The following SHISA9 variants were observed in gnomAD, a reference collection of about 807,000 sequenced individuals.
The protein encoded by SHISA9 is protein shisa-9.
Under a neutral mutation model 38.0 loss-of-function variants are expected in SHISA9, and 13 were observed. The ratio of observed to expected loss-of-function variants is 0.34; its 90% confidence interval spans 0.22 to 0.54. The LOEUF (loss-of-function observed/expected upper bound fraction) is 0.54, where lower values mean the gene tolerates loss of function less well. SHISA9 is among the 20% of genes least tolerant of loss of function. The pLI, the probability that SHISA9 is intolerant of heterozygous loss-of-function variation, is 0.91. For synonymous variants in SHISA9, 275 were observed against 242.0 expected, an observed-to-expected ratio of 1.14 and a Z score of -1.27; for missense variants, 538 against 575.8, an observed-to-expected ratio of 0.93 and a Z score of 0.67.
chr16:13,301,375 A>G, the SHISA9 span, among the ~76,000 whole-genome samples: 1 of 152,328 alleles, frequency 6.6e-6, no homozygotes, highest in South Asian at 2.1e-4. Flanking sequence ...ATGAGGCACG[A>G]GATTCTGCAT....
chr16:13,002,285 C>T (rs1253198522), intron 2 of SHISA9, among the ~76,000 whole-genome samples: 1 of 152,160 alleles, frequency 6.6e-6, no homozygotes, highest in African/African-American at 2.4e-5. Flanking sequence ...CACTCTAAAT[C>T]CCTAAACAGT....
chr16:13,232,960 A>G (rs1048376463), intron 4 of SHISA9, among the ~76,000 whole-genome samples: 5 of 152,184 alleles, frequency 3.3e-5, no homozygotes, highest in South Asian at 2.1e-4. Context: ...AAATCTAGCT[A>G]TGTTAATAGA....
At chr16:13,446,797 T>C in the SHISA9 span, among the ~76,000 whole-genome samples, 19 of 152,020 alleles carry the variant, frequency 1.2e-4, no homozygotes, top group East Asian at 2.1e-3. Context: ...GCCAACATGA[T>C]GAAACCCTGT....
chr16:12,940,917 A>G (rs1216026448), intron 2 of SHISA9, among the ~76,000 whole-genome samples: 1 of 152,180 alleles, frequency 6.6e-6, no homozygotes, highest in African/African-American at 2.4e-5. Context: ...AGGCAAAAGA[A>G]AGAAACAAAA....
intron 2 of SHISA9, among the ~76,000 whole-genome samples, chr16:13,110,753 G>A (rs2073970485): frequency 6.6e-6 from 1 of 152,206 alleles, no homozygotes; most frequent in African/African-American, 2.4e-5. Flanking sequence ...CCTGGAGAAA[G>A]CTGGGGAATT....
At chr16:13,447,763 C>T in the SHISA9 span, among the ~76,000 whole-genome samples, 1 of 152,208 alleles carries the variant, frequency 6.6e-6, no homozygotes, top group African/African-American at 2.4e-5. Flanking sequence ...ACACAAAAAA[C>T]TCTTTTTTTT....
At chr16:13,023,794 G>A (rs949521675) in intron 2 of SHISA9, among the ~76,000 whole-genome samples, 13 of 152,262 alleles carry the variant, frequency 8.5e-5, no homozygotes, top group African/African-American at 2.6e-4. Flanking sequence ...TTTTTCGTGT[G>A]TCTGTTGGCT....
chr16:13,104,874 T>A lies in SHISA9; in HGVS notation c.692-98520T>A, dbSNP rs148915882. Among the ~76,000 whole-genome samples the A allele has an allele frequency of 1.8e-3, 274 of 152,324 alleles. 1 individual carries two copies. The highest frequency in any genetic ancestry group is 6.2e-3 in the African/African-American group (258 of 41,568). ...CATATCAATAAAACTTTTTATTTTTTAAAAAAGTATGATTTTAGATTCTGA... is the reference window on the plus strand; with the variant it reads ...CATATCAATAAAACTTTTTATTTTTAAAAAAAGTATGATTTTAGATTCTGA... On this transcript the variant is annotated intron_variant, in intron 2 of 4. Transcript: ENST00000558583.
intron 2 of SHISA9, among the ~76,000 whole-genome samples, chr16:13,192,532 G>A (rs929929670): frequency 6.6e-6 from 1 of 151,942 alleles, no homozygotes; most frequent in Non-Finnish European, 1.5e-5. Context: ...GAAGAGGCAA[G>A]CACATAGGTA....
intron 2 of SHISA9, among the ~76,000 whole-genome samples, chr16:13,087,384 C>T (rs1304708440): frequency 6.6e-6 from 1 of 152,090 alleles, no homozygotes; most frequent in Non-Finnish European, 1.5e-5. Context: ...AGTTCTAGAT[C>T]CTTGAGGAAT....
chr16:13,351,712 T>C, the SHISA9 span, among the ~76,000 whole-genome samples: 1 of 152,264 alleles, frequency 6.6e-6, no homozygotes, highest in African/African-American at 2.4e-5. Context: ...TGTCTCTATA[T>C]CTGCAAAGCA....
chr16:12,904,734 C>T (rs2071070296), intron 1 of SHISA9, among the ~76,000 whole-genome samples: 1 of 152,122 alleles, frequency 6.6e-6, no homozygotes, highest in African/African-American at 2.4e-5. Flanking sequence ...TTACTGGCAG[C>T]TTCTAAGGTA....
the SHISA9 span, among the ~76,000 whole-genome samples, chr16:13,254,415 G>C: frequency 6.6e-6 from 1 of 152,182 alleles, no homozygotes; most frequent in Non-Finnish European, 1.5e-5. Flanking sequence ...TCCAACCGGA[G>C]GGTTTGTTAC....
At chr16:13,045,353 A>G (rs554427597) in intron 2 of SHISA9, among the ~76,000 whole-genome samples, 15 of 152,202 alleles carry the variant, frequency 9.9e-5, no homozygotes, top group Non-Finnish European at 1.9e-4. Context: ...AGTTTATGGC[A>G]GAGCAAGGAT....
the SHISA9 span, among the ~76,000 whole-genome samples, chr16:13,452,319 A>G: frequency 1.3e-5 from 2 of 152,252 alleles, no homozygotes; most frequent in African/African-American, 4.8e-5. Flanking sequence ...TAGATGCTTC[A>G]GGGTGAAAAT....
At chr16:13,277,151 G>A in the SHISA9 span, among the ~76,000 whole-genome samples, 1 of 152,032 alleles carries the variant, frequency 6.6e-6, no homozygotes, top group Non-Finnish European at 1.5e-5. Flanking sequence ...AATTATCCCA[G>A]CACCATTTGT....
At chr16:13,298,875 G>C in the SHISA9 span, among the ~76,000 whole-genome samples, 1 of 152,198 alleles carries the variant, frequency 6.6e-6, no homozygotes, top group Non-Finnish European at 1.5e-5. Flanking sequence ...GGCTTGGTTA[G>C]TCAGAAGGGC....
chr16:12,929,096 C>A (rs960373093), intron 2 of SHISA9, among the ~76,000 whole-genome samples: 1 of 152,174 alleles, frequency 6.6e-6, no homozygotes, highest in Non-Finnish European at 1.5e-5. Context: ...GAGATACCAT[C>A]TCATGTCAGT....
chr16:13,245,310 A>G (rs1414979524), downstream of SHISA9, among the ~76,000 whole-genome samples: 1 of 152,200 alleles, frequency 6.6e-6, no homozygotes, highest in Non-Finnish European at 1.5e-5. Context: ...ACCTACTTTC[A>G]TAAACCCACT....
Sources: gnomAD v4.1 joint callset for allele counts (sites outside exome capture counted in the v4.1 genomes callset) on GRCh38, gnomAD v4.1.1 for gene constraint, MANE v1.5 for transcripts, NCBI Gene and HGNC (gene_info 2026-07-23, HGNC 2026-07-21) for gene names.